P2RY8: variants seen among roughly 807,000 people sequenced by gnomAD.
P2RY8 encodes S-geranylgeranyl-glutathione receptor P2RY8.
Under a neutral mutation model 10.0 loss-of-function variants are expected in P2RY8, and 6 were observed. The observed-to-expected ratio is 0.60, with a 90% CI of 0.33 to 1.19. P2RY8 has a LOEUF of 1.19. P2RY8 is among the 50% of genes most tolerant of loss of function. The pLI is 0.04. For missense variants in P2RY8, 456 were observed against 542.0 expected, an observed-to-expected ratio of 0.84 and a Z score of 1.58; for synonymous variants, 276 against 252.5, an observed-to-expected ratio of 1.09 and a Z score of -0.88.
intron 1 of P2RY8, chrX:1,494,247 G>C (rs1344255184): frequency 6.6e-6 from 1 of 152,296 alleles, no homozygotes; most frequent in Non-Finnish European, 1.5e-5. Flanking sequence ...AGGAGCAGGA[G>C]TGGAGGGCCA....
In P2RY8 at chrX:1,465,561, A is replaced by G; in HGVS notation, c.998T>C (p.Val333Ala). Residue 333 changes from valine (V) to alanine (A), a missense_variant, in exon 2 of 2, where the codon GTG (valine) becomes GCG (alanine). Coordinates refer to ENST00000381297, the MANE Select transcript of P2RY8 (RefSeq NM_178129.5). ...ESLFSARTTS[V>A]RSEAGAHPEG... ...AGGGTGCGCACCGGCCTCGGAGCGC[A>G]CGGACGTGGTCCTGGCGGAGAAGAG... 1.2e-6 allele frequency: 2 copies of G among 1,612,538 alleles called. No homozygotes were observed. Among genetic ancestry groups the G allele is most frequent in the Non-Finnish European group, 1.7e-6 (2 of 1,179,768 alleles).
chrX:1,484,743 AAAAAAGAAG>A lies in P2RY8; in HGVS notation c.-24-18170_-24-18162del, dbSNP rs1478264698. Among the ~76,000 whole-genome samples the A allele has an allele frequency of 2.8e-3, 376 of 135,652 alleles. 6 individuals carry two copies. The highest frequency in any genetic ancestry group is 9.4e-3 in the African/African-American group (368 of 39,112). The allele number at this position is 135,652 out of a possible 152,430, so 89.0% of individuals were successfully genotyped here. ...ACCCTGTAAAAAAAAAAAAAAAAAA[AAAAAAGAAG>A]AAGAAGAAGAAGAAGCGGCAGCTGG... On this transcript the variant is annotated intron_variant, in intron 1 of 1. Transcript: ENST00000381297.
At chrX:1,468,047 C>G (rs2091716426) in intron 1 of P2RY8, among the ~76,000 whole-genome samples, 1 of 152,076 alleles carries the variant, frequency 6.6e-6, no homozygotes, top group Non-Finnish European at 1.5e-5. Context: ...AACTCCTGGC[C>G]TCAAGCAATC....
chrX:1,478,195 C>A (rs1479831777), intron 1 of P2RY8, among the ~76,000 whole-genome samples: 3 of 151,598 alleles, frequency 2.0e-5, no homozygotes, highest in East Asian at 1.9e-4. Context: ...CTAAGCATTT[C>A]TCTGTATGAT....
chrX:1,497,235 A>AT (rs1190513040), intron 1 of P2RY8, among the ~76,000 whole-genome samples: 23 of 139,944 alleles, frequency 1.6e-4, no homozygotes, highest in African/African-American at 5.7e-4. Flanking sequence ...AAAAAAAAAA[A>AT]AGAAAAGAAA....
chrX:1,494,750 A>C (rs2092100124), intron 1 of P2RY8, among the ~76,000 whole-genome samples: 1 of 152,108 alleles, frequency 6.6e-6, no homozygotes, highest in Non-Finnish European at 1.5e-5. Flanking sequence ...CTGCCTCCCA[A>C]CCTGGAGTGC....
intron 1 of P2RY8, among the ~76,000 whole-genome samples, chrX:1,517,581 T>C (rs1402265382): frequency 6.6e-6 from 1 of 152,012 alleles, no homozygotes; most frequent in South Asian, 2.1e-4. Context: ...CTAATTTCAG[T>C]GGGAAAAGAG....
intron 1 of P2RY8, among the ~76,000 whole-genome samples, chrX:1,514,725 T>C (rs2092329382): frequency 1.6e-3 from 2 of 1,252 alleles, no homozygotes; most frequent in Non-Finnish European, 0.036. Context: ...TCCCTTCCCT[T>C]CCCTTCCTTC....
At chrX:1,481,319 A>C (rs1197893521) in intron 1 of P2RY8, among the ~76,000 whole-genome samples, 14 of 152,072 alleles carry the variant, frequency 9.2e-5, no homozygotes, top group Admixed American at 2.0e-4. Flanking sequence ...ACCTGCCACC[A>C]CGCCTGGCTA....
At chrX:1,535,712 C>CAG (rs1369968137) in intron 1 of P2RY8, among the ~76,000 whole-genome samples, 33 of 145,312 alleles carry the variant, frequency 2.3e-4, no homozygotes, top group African/African-American at 8.5e-4. Context: ...CACACACACA[C>CAG]ACAGACACAC....
intron 1 of P2RY8, among the ~76,000 whole-genome samples, chrX:1,474,144 T>G (rs2091843347): frequency 7.0e-6 from 1 of 142,602 alleles, no homozygotes. Flanking sequence ...ATGGATGGGT[T>G]GATGGGTAGA....
intron 1 of P2RY8, among the ~76,000 whole-genome samples, chrX:1,518,425 C>CA (rs545400196): frequency 0.79 from 105,731 of 134,394 alleles, 40,721 homozygotes; most frequent in East Asian, 0.95. Flanking sequence ...GACTCCGTCT[C>CA]AAAAAAAAAA....
At chrX:1,478,272 T>TGTGTGTGCGC (rs1318193075) in intron 1 of P2RY8, among the ~76,000 whole-genome samples, 1 of 103,950 alleles carries the variant, frequency 9.6e-6, no homozygotes, top group African/African-American at 3.2e-5. Flanking sequence ...TGTGTGTGTG[T>TGTGTGTGCGC]GCCCAGCAGG....
At chrX:1,512,341 G>A (rs184893958) in intron 1 of P2RY8, among the ~76,000 whole-genome samples, 10 of 152,152 alleles carry the variant, frequency 6.6e-5, no homozygotes, top group South Asian at 4.2e-4. Context: ...GAGGTCAGGC[G>A]TTTGAGACCA....
intron 1 of P2RY8, among the ~76,000 whole-genome samples, chrX:1,528,087 T>A (rs1215367094): frequency 6.6e-6 from 1 of 152,180 alleles, no homozygotes; most frequent in South Asian, 2.1e-4. Flanking sequence ...GATAAATAAA[T>A]ACCTGGAGAC....
intron 1 of P2RY8, among the ~76,000 whole-genome samples, chrX:1,530,895 C>G (rs2092470080): frequency 6.6e-6 from 1 of 150,620 alleles, no homozygotes; most frequent in South Asian, 2.1e-4. Flanking sequence ...CTATATATCT[C>G]TTTAATCTAT....
chrX:1,482,306 A>C (rs775242360), intron 1 of P2RY8, among the ~76,000 whole-genome samples: 1 of 152,052 alleles, frequency 6.6e-6, no homozygotes, highest in East Asian at 1.9e-4. Flanking sequence ...AAAAAAAAAA[A>C]AAACCCAAAG....
intron 1 of P2RY8, among the ~76,000 whole-genome samples, chrX:1,499,155 TTTCTTTTC>T (rs1187493399): frequency 8.6e-6 from 1 of 115,722 alleles, no homozygotes; most frequent in African/African-American, 2.9e-5. Flanking sequence ...TCTTTTTCTT[TTTCTTTTC>T]TTTTTTTTTT....
intron 1 of P2RY8, among the ~76,000 whole-genome samples, chrX:1,484,383 T>TA (rs1268804737): frequency 6.6e-6 from 1 of 151,958 alleles, no homozygotes; most frequent in Non-Finnish European, 1.5e-5. Context: ...AAGGATATTT[T>TA]AAAAGATTTC....
Sources: allele counts gnomAD v4.1 joint callset (sites outside exome capture counted in the v4.1 genomes callset), GRCh38; gene constraint gnomAD v4.1.1; transcripts MANE v1.5; gene names NCBI Gene and HGNC (gene_info 2026-07-23, HGNC 2026-07-21).